SEC24B: variants seen among roughly 807,000 people sequenced by gnomAD.
The protein encoded by SEC24B is SEC24 homolog B, COPII component.
In SEC24B, 45 loss-of-function variants were observed where a neutral mutation model predicts 142.8. The observed-to-expected ratio is 0.32, with a 90% confidence interval of 0.25 to 0.40. The LOEUF (loss-of-function observed/expected upper bound fraction) is 0.40. Ranked by LOEUF, SEC24B falls within the 10% of genes least tolerant of loss-of-function variation. The pLI is 1.00. For synonymous variants in SEC24B, 574 were observed against 568.2 expected (o/e 1.01, Z -0.15); for missense variants, 1,409 against 1,526.8 (o/e 0.92, Z 1.29).
At chr4:109,466,817 A>G (rs1731945884) in intron 2 of SEC24B, among the ~76,000 whole-genome samples, 1 of 152,248 alleles carries the variant, frequency 6.6e-6, no homozygotes, top group Admixed American at 6.5e-5. Context: ...GTCCTCAGTC[A>G]TTTTATAGAG....
intron 4 of SEC24B, among the ~76,000 whole-genome samples, chr4:109,487,954 T>C (rs79345262): frequency 0.015 from 2,328 of 152,292 alleles, 42 homozygotes; most frequent in African/African-American, 0.04. Context: ...AAACTAAACA[T>C]CTTAACTGAG....
chr4:109,444,792 T>C (rs1729285785), intron 1 of SEC24B, among the ~76,000 whole-genome samples: 1 of 152,188 alleles, frequency 6.6e-6, no homozygotes, highest in South Asian at 2.1e-4. Flanking sequence ...GTTAAAAATA[T>C]TTTATTTCTT....
chr4:109,479,632 A>G (rs769277400), intron 3 of SEC24B, among the ~76,000 whole-genome samples: 1 of 151,930 alleles, frequency 6.6e-6, no homozygotes, highest in Non-Finnish European at 1.5e-5. Context: ...ATGGGGTCTC[A>G]CTATGTTGCC....
Position 109,433,846 on chromosome 4 carries a change from G to T in SEC24B, c.-24G>T. The T allele has an allele frequency of 7.8e-7, 1 of 1,287,492 alleles. No individual in the cohort carries two copies. Among genetic ancestry groups the T allele is most frequent in the Non-Finnish European group, 9.8e-7 (1 of 1,016,160 alleles). 79.8% of individuals were successfully genotyped at this position (1,287,492 alleles called of 1,614,324 possible). ...CCTCCGCCCACCTCCCTGAAGCGGAGCCGCCGTCGCCACCAGCGCCGTCAT... is the reference window on the plus strand; with the variant it reads ...CCTCCGCCCACCTCCCTGAAGCGGATCCGCCGTCGCCACCAGCGCCGTCAT... On this transcript the variant is annotated 5_prime_UTR_variant, in exon 1 of 24. Transcript: ENST00000265175.
chr4:109,477,415 G>C (rs936554822), intron 3 of SEC24B, among the ~76,000 whole-genome samples: 1 of 151,886 alleles, frequency 6.6e-6, no homozygotes, highest in African/African-American at 2.4e-5. Context: ...GAGACCACTG[G>C]GGCTCAAGCG....
At chr4:109,490,342 A>G (rs1267295558) in intron 4 of SEC24B, among the ~76,000 whole-genome samples, 2 of 152,064 alleles carry the variant, frequency 1.3e-5, no homozygotes, top group Admixed American at 6.6e-5. Flanking sequence ...AAATTATTCA[A>G]TGAAAAATAA....
Position 109,483,054 on chromosome 4 carries a change from ATT to A in SEC24B, c.1165+1275_1165+1276del, listed in dbSNP as rs1357943216. On this transcript the variant is annotated intron_variant, in intron 4 of 23. Coordinates refer to ENST00000265175, the MANE Select transcript of SEC24B (RefSeq NM_006323.5). ...TGTATTTATATATATGTATTTATGT[ATT>A]TATATATATATATATATGTATGTAT... 6.9e-4 allele frequency among the ~76,000 whole-genome samples: 77 copies of A among 112,154 alleles called. 1 individual carries two copies. The highest frequency in any genetic ancestry group is 5.1e-3 in the African/African-American group (72 of 14,070). 73.6% of individuals were successfully genotyped at this position (112,154 alleles called of 152,430 possible).
chr4:109,471,338 T>A (rs1366005552), intron 2 of SEC24B, among the ~76,000 whole-genome samples: 1 of 151,902 alleles, frequency 6.6e-6, no homozygotes, highest in Admixed American at 6.6e-5. Flanking sequence ...AGAGATAGGG[T>A]TTTGCCGTGT....
intron 4 of SEC24B, chr4:109,488,777 A>T (rs77639117): frequency 0.046 from 7,729 of 167,742 alleles, 205 homozygotes; most frequent in African/African-American, 0.07. Context: ...TGGAATCCTC[A>T]TTCGATTGGT....
Position 109,463,195 on chromosome 4 carries a change from A to G in SEC24B, c.428A>G (p.His143Arg), listed in dbSNP as rs753483129. ...SFQGAASSAS[H>R]LHTSASQPYS... ...CAAGGTGCTGCATCGTCAGCATCCC[A>G]TTTGCATACGAGTGCCTCCCAACCA... is the stretch of plus-strand genomic sequence containing the variant. Residue 143 changes from histidine (H) to arginine (R), a missense_variant, in exon 2 of 24, where the codon CAT (histidine) becomes CGT (arginine). This residue lies in a region of SEC24B where 709 missense variants were observed against 673.5 expected (regional missense o/e 1.05). Transcript: ENST00000265175. 5 of 1,614,052 alleles carry G rather than the reference A, an allele frequency of 3.1e-6. No individual in the cohort carries two copies. In the East Asian group the frequency reaches 8.9e-5, roughly 29 times the overall value.
intron 1 of SEC24B, among the ~76,000 whole-genome samples, chr4:109,444,799 T>G (rs1406369231): frequency 2.0e-5 from 3 of 152,214 alleles, no homozygotes; most frequent in Admixed American, 2.0e-4. Context: ...ATATTTTATT[T>G]CTTCATTCAG....
intron 1 of SEC24B, among the ~76,000 whole-genome samples, chr4:109,435,880 GT>G (rs912592011): frequency 2.6e-5 from 4 of 152,304 alleles, no homozygotes; most frequent in Admixed American, 1.3e-4. Flanking sequence ...GACTCGACAG[GT>G]TGGGGTGGGA....
At chr4:109,526,188 A>C in intron 16 of SEC24B, 38 bp from the exon 17 acceptor site, 1 of 1,583,670 alleles carries the variant, frequency 6.3e-7, no homozygotes. Flanking sequence ...TGAAGATACT[A>C]TTGTTAACTT....
rs988137069 is a variant in SEC24B, at chr4:109,526,151, A to G, written c.2792-75A>G. The G allele has an allele frequency of 8.7e-6, 12 of 1,377,134 alleles. No homozygotes were observed. In the African/African-American group the frequency reaches 1.5e-4, roughly 17 times the overall value. The allele number at this position is 1,377,134 out of a possible 1,614,324, so 85.3% of individuals were successfully genotyped here. On this transcript the variant is annotated intron_variant, in intron 16 of 23. Coordinates refer to ENST00000265175, the MANE Select transcript of SEC24B (RefSeq NM_006323.5). Reference sequence around the variant, plus strand: ...TGATTCAAAATCATAAACATCTTTGACTTAAAAAAGTAACTTTAGCTTGAG... The same window carrying G: ...TGATTCAAAATCATAAACATCTTTGGCTTAAAAAAGTAACTTTAGCTTGAG...
At chr4:109,472,786 T>A (rs1419559471) in intron 2 of SEC24B, among the ~76,000 whole-genome samples, 4 of 151,638 alleles carry the variant, frequency 2.6e-5, no homozygotes, top group Non-Finnish European at 5.9e-5. Flanking sequence ...TTTCAGTTTT[T>A]AAAAAATCAT....
At chr4:109,517,045 A>T (rs1354287456) in intron 11 of SEC24B, among the ~76,000 whole-genome samples, 1 of 152,200 alleles carries the variant, frequency 6.6e-6, no homozygotes, top group Non-Finnish European at 1.5e-5. Flanking sequence ...TACAGCCATT[A>T]TAGAAAACAG....
intron 12 of SEC24B, 112 bp from the exon 13 acceptor site, chr4:109,521,000 TAAATA>T (rs926495668): frequency 4.2e-5 from 27 of 648,380 alleles, no homozygotes; most frequent in African/African-American, 1.7e-4. Context: ...CTCAAAAAAA[TAAATA>T]AAATAAAGCA....
In SEC24B at chr4:109,473,180, CA is replaced by C; in HGVS notation, c.1059del (p.Gly354AlafsTer148). The C allele has an allele frequency of 6.4e-7, 1 of 1,559,198 alleles. No homozygotes were observed. Among genetic ancestry groups the C allele is most frequent in the Non-Finnish European group, 8.7e-7 (1 of 1,153,354 alleles). ...SVTQPSELLQ[Q>X]KGVQYGEYVN... The stretch of plus-strand genomic sequence containing the variant: ...TACACAGCCATCAGAGCTATTACAA[CA>C]AAAAGGTATTTGAGATATTTATTAT... On this transcript the variant is annotated frameshift_variant, in exon 3 of 24. Transcript: ENST00000265175. LOFTEE classifies it high-confidence loss of function.
chr4:109,508,344 C>T (rs1372757609), intron 7 of SEC24B, among the ~76,000 whole-genome samples: 2 of 152,036 alleles, frequency 1.3e-5, no homozygotes, highest in South Asian at 2.1e-4. Context: ...GCAGGTGGAT[C>T]GCTTGAGCCC....
Sources: gnomAD v4.1 joint callset for allele counts (sites outside exome capture counted in the v4.1 genomes callset) on GRCh38, gnomAD v4.1.1 for gene constraint, gnomAD v4.1.1 regional missense constraint, MANE v1.5 for transcripts, NCBI Gene and HGNC (gene_info 2026-07-23, HGNC 2026-07-21) for gene names.